SLC25A27: variants seen among roughly 807,000 people sequenced by gnomAD.
SLC25A27 encodes the protein mitochondrial uncoupling protein 4.
In SLC25A27, 35 loss-of-function variants were observed where a neutral mutation model predicts 49.1. The ratio of observed to expected loss-of-function variants is 0.71; its 90% CI spans 0.54 to 0.95. The LOEUF (loss-of-function observed/expected upper bound fraction) is 0.95. Among genes scored for constraint, SLC25A27 ranks in the 40% least tolerant of loss-of-function variants. The pLI, the probability that SLC25A27 is intolerant of heterozygous loss-of-function variation, is 0.00. For synonymous variants in SLC25A27, 144 were observed against 136.9 expected (o/e 1.05, Z -0.36); for missense variants, 339 against 397.1 (o/e 0.85, Z 1.24).
rs1010208157 is a variant in SLC25A27 at position 46,658,350 on chromosome 6, T to G, written c.299-612T>G. ...TTGTTTTCCATCCTTTTAAAAATATTTTCTGCTTTGCATCCCATTATTATT... is the reference window on the plus strand; with the variant it reads ...TTGTTTTCCATCCTTTTAAAAATATGTTCTGCTTTGCATCCCATTATTATT... On this transcript the variant is annotated intron_variant, in intron 2 of 8. Coordinates refer to ENST00000371347, the MANE Select transcript of SLC25A27 (RefSeq NM_004277.5). 5 of 225,456 alleles carry G rather than the reference T, an allele frequency of 2.2e-5. No individual in the cohort carries two copies. The East Asian group carries it at 7.0e-4, about 32-fold the overall frequency. The allele number at this position is 225,456 out of a possible 1,614,324, so 14.0% of individuals were successfully genotyped here. A position where few individuals can be genotyped will look rare whatever the true frequency, so the allele number is the denominator to read the frequency against.
intron 2 of SLC25A27, chr6:46,658,556 A>G (rs1416457456): frequency 6.9e-6 from 3 of 435,292 alleles, no homozygotes; most frequent in Admixed American, 5.4e-5. Context: ...TGGGGTAAGT[A>G]AAAACAAACA....
At chr6:46,672,901 T>G (rs1199332028) in intron 8 of SLC25A27, among the ~76,000 whole-genome samples, 1 of 152,228 alleles carries the variant, frequency 6.6e-6, no homozygotes, top group East Asian at 1.9e-4. Context: ...TAGGTATTTG[T>G]GTATTAACAT....
Position 46,653,184 on chromosome 6 carries a change from T to A in SLC25A27, c.-9T>A. The stretch of plus-strand genomic sequence containing the variant: ...GAAGGAGTGCGTTATCGTCTTGCGC[T>A]ACTGCTGAATGTCCGTCCCGGAGGA... On this transcript the variant is annotated 5_prime_UTR_variant, in exon 1 of 9. Coordinates refer to ENST00000371347, the MANE Select transcript of SLC25A27 (RefSeq NM_004277.5). 6.2e-7 allele frequency: 1 copy of A among 1,611,628 alleles called. No homozygotes were observed. Among genetic ancestry groups the A allele is most frequent in the Non-Finnish European group, 8.5e-7 (1 of 1,178,558 alleles).
chr6:46,658,811 G>A, intron 2 of SLC25A27, 151 bp from the exon 3 acceptor site: 4 of 659,374 alleles, frequency 6.1e-6, no homozygotes, highest in Non-Finnish European at 1.1e-5. Flanking sequence ...GCATCAAGAA[G>A]CCCACGTGTT....
chr6:46,666,915 G>A (rs1040532711), intron 5 of SLC25A27, among the ~76,000 whole-genome samples: 7 of 151,898 alleles, frequency 4.6e-5, no homozygotes, highest in African/African-American at 9.7e-5. Context: ...AAATCCAGTC[G>A]TTCCATCTTC....
chr6:46,662,358 A>G lies in SLC25A27; in HGVS notation c.384-18A>G, dbSNP rs1201395808. 2.5e-6 allele frequency: 4 copies of G among 1,611,852 alleles called. No homozygotes were observed. Among genetic ancestry groups the G allele is most frequent in the Non-Finnish European group, 3.4e-6 (4 of 1,179,116 alleles). ...GAAATTAATGGCAACTTTAAAAAGA[A>G]TTTCCTTCTGCAATTAGGAAATCAG... On this transcript the variant is annotated intron_variant, in intron 3 of 8. Transcript: ENST00000371347.
At chr6:46,664,333 TGTCA>T (rs1298731229) in intron 4 of SLC25A27, among the ~76,000 whole-genome samples, 1 of 152,232 alleles carries the variant, frequency 6.6e-6, no homozygotes, top group African/African-American at 2.4e-5. Context: ...CTTCTTAGTC[TGTCA>T]TTTTTTATGA....
Position 46,676,811 on chromosome 6 carries a change from A to T in SLC25A27, c.*357A>T. ...AGAGGAGGAGTACCAGGAGGGAGCC[A>T]GCATTTCAGATCTGAAGTAGACGAT... On this transcript the variant is annotated 3_prime_UTR_variant, in exon 9 of 9. Transcript: ENST00000371347. 1 of 795,754 alleles carries T rather than the reference A, an allele frequency of 1.3e-6. No individual in the cohort carries two copies. The highest frequency in any genetic ancestry group is 2.1e-6 in the Non-Finnish European group (1 of 473,150). The allele number at this position is 795,754 out of a possible 1,614,324, so 49.3% of individuals were successfully genotyped here.
Position 46,661,418 on chromosome 6 carries a change from T to G in SLC25A27, c.384-958T>G, listed in dbSNP as rs142686809. Among the ~76,000 whole-genome samples the G allele has an allele frequency of 2.6e-5, 4 of 152,344 alleles. No homozygotes were observed. In the East Asian group the frequency reaches 7.7e-4, roughly 29 times the overall value. ...AATAAATTATGGCATATCCATAAAA[T>G]GAAATACTGTCAAACTATTAAAAAG... On this transcript the variant is annotated intron_variant, in intron 3 of 8. Transcript: ENST00000371347.
At chr6:46,659,513 G>A (rs529949420) in intron 3 of SLC25A27, among the ~76,000 whole-genome samples, 50 of 152,100 alleles carry the variant, frequency 3.3e-4, no homozygotes, top group African/African-American at 1.1e-3. Context: ...TGAAAAAATC[G>A]GTTACTAAAA....
chr6:46,661,176 G>GATA (rs1428630244), intron 3 of SLC25A27, among the ~76,000 whole-genome samples: 1 of 152,082 alleles, frequency 6.6e-6, no homozygotes, highest in East Asian at 1.9e-4. Context: ...GAAAAAATAT[G>GATA]ATAATGTATG....
chr6:46,666,154 G>A (rs560360085), intron 5 of SLC25A27, among the ~76,000 whole-genome samples: 36 of 152,106 alleles, frequency 2.4e-4, no homozygotes, highest in African/African-American at 7.7e-4. Context: ...CTCAGCTAAG[G>A]TGTCTTCTTC....
intron 5 of SLC25A27, among the ~76,000 whole-genome samples, chr6:46,668,327 C>T (rs1763391202): frequency 6.6e-6 from 1 of 152,154 alleles, no homozygotes; most frequent in Admixed American, 6.5e-5. Flanking sequence ...GACAGAGACC[C>T]TGTCTTGAAA....
Position 46,672,363 on chromosome 6 carries a change from C to T in SLC25A27, c.900+1135C>T, listed in dbSNP as rs553781797. 1.1e-4 allele frequency among the ~76,000 whole-genome samples: 16 copies of T among 151,710 alleles called. 1 individual carries two copies. The South Asian group carries it at 3.3e-3, about 32-fold the overall frequency. ...ACCACACTAGGAAGGACCATATGAGCCAGAAGAGTAATGGGCACCAGTTTG... is the reference window on the plus strand; with the variant it reads ...ACCACACTAGGAAGGACCATATGAGTCAGAAGAGTAATGGGCACCAGTTTG... On this transcript the variant is annotated intron_variant, in intron 8 of 8. Transcript: ENST00000371347.
intron 5 of SLC25A27, 104 bp downstream of exon 5, chr6:46,664,990 G>A (rs2150644167): frequency 1.9e-6 from 1 of 537,676 alleles, no homozygotes; most frequent in East Asian, 3.1e-5. Flanking sequence ...TAATATATTG[G>A]TGACCATATA....
At position 46,653,251 on chromosome 6, in the gene SLC25A27, C is replaced by T; in HGVS notation, c.59C>T (p.Ala20Val). ...CCGCTGACCCAGAGATGGCCCCGAG[C>T]GAGCAAATTCCTACTGTCCGGCTGC... is the stretch of plus-strand genomic sequence containing the variant. ...LLPLTQRWPR[A>V]SKFLLSGCAA... is the part of the protein sequence containing the mutation. Residue 20 changes from alanine (A) to valine (V), a missense_variant, in exon 1 of 9, where the codon GCG becomes GTG. By Grantham distance (64) the Ala-to-Val change is moderately conservative. Coordinates refer to ENST00000371347, the MANE Select transcript of SLC25A27 (RefSeq NM_004277.5). The T allele has an allele frequency of 6.2e-7, 1 of 1,613,652 alleles. No homozygotes were observed. Among genetic ancestry groups the T allele is most frequent in the Non-Finnish European group, 8.5e-7 (1 of 1,179,738 alleles).
chr6:46,659,006 G>A lies in SLC25A27; in HGVS notation c.343G>A (p.Val115Ile). 2.5e-6 allele frequency: 4 copies of A among 1,613,572 alleles called. No homozygotes were observed. Among genetic ancestry groups the A allele is most frequent in the Non-Finnish European group, 3.4e-6 (4 of 1,179,740 alleles). Residue 115 changes from valine (V) to isoleucine (I), a missense_variant, in exon 3 of 9, where the codon GTT becomes ATT. Coordinates refer to ENST00000371347, the MANE Select transcript of SLC25A27 (RefSeq NM_004277.5). ...RMVTYEHLRE[V>I]VFGKSEDEHY... ...GGTCACATATGAACATCTCCGAGAG[G>A]TTGTGTTTGGCAAAAGTGAAGATGA...
chr6:46,676,372 TAATCTTTCAGACCCCTTGGTC>T lies in SLC25A27; in HGVS notation c.901-7_914del. 6.2e-7 allele frequency: 1 copy of T among 1,613,120 alleles called. No homozygotes were observed. Among genetic ancestry groups the T allele is most frequent in the Non-Finnish European group, 8.5e-7 (1 of 1,179,308 alleles). On this transcript the variant is annotated splice_acceptor_variant and splice_polypyrimidine_tract_variant and coding_sequence_variant and intron_variant, in exon 9 of 9. Coordinates refer to ENST00000371347, the MANE Select transcript of SLC25A27 (RefSeq NM_004277.5). LOFTEE classifies it high-confidence loss of function. The stretch of plus-strand genomic sequence containing the variant: ...TGAAATATGCACTAACTTCTTTGGT[TAATCTTTCAGACCCCTTGGTC>T]AATGGTGTTCTGGCTTACTTATGAA...
chr6:46,654,150 C>T (rs1474260242), intron 1 of SLC25A27: 2 of 983,606 alleles, frequency 2.0e-6, no homozygotes, highest in Admixed American at 1.2e-4. Flanking sequence ...GAGTAGTATA[C>T]TCATGTGTTT....
Sources: allele counts gnomAD v4.1 joint callset (sites outside exome capture counted in the v4.1 genomes callset), GRCh38; gene constraint gnomAD v4.1.1; transcripts MANE v1.5; gene names NCBI Gene and HGNC (gene_info 2026-07-23, HGNC 2026-07-21).